The following PEAK1 variants were observed in gnomAD, a reference collection of about 807,000 sequenced individuals.
PEAK1 encodes the protein pseudopodium enriched atypical kinase 1.
PEAK1 carries 54 observed loss-of-function variants against 124.7 expected under a neutral mutation model. That is an observed-to-expected ratio of 0.43 (90% CI 0.35 to 0.54). The LOEUF (loss-of-function observed/expected upper bound fraction) is 0.54, where lower values mean the gene tolerates loss of function less well. Among genes scored for constraint, PEAK1 ranks in the 20% least tolerant of loss-of-function variants. The pLI, the probability that PEAK1 is intolerant of heterozygous loss-of-function variation, is 0.01. For missense variants in PEAK1, 2,046 were observed against 2,134.5 expected (o/e 0.96, Z 0.82); for synonymous variants, 719 against 760.0 (o/e 0.95, Z 0.89).
At chr15:77,309,305 C>T (rs1041667709) in intron 2 of PEAK1, among the ~76,000 whole-genome samples, 3 of 152,018 alleles carry the variant, frequency 2.0e-5, no homozygotes, top group Admixed American at 6.6e-5. Flanking sequence ...GTTCAGCGGC[C>T]ACCATTGCTT....
At chr15:77,270,389 C>T (rs1258209363) in intron 5 of PEAK1, among the ~76,000 whole-genome samples, 3 of 152,158 alleles carry the variant, frequency 2.0e-5, no homozygotes, top group Admixed American at 6.5e-5. Context: ...CCCATCGTCT[C>T]AGCCCAAAAT....
chr15:77,401,641 T>C, intron 1 of PEAK1: 2 of 985,096 alleles, frequency 2.0e-6, no homozygotes, highest in Non-Finnish European at 2.4e-6. Context: ...AGAATGTTAT[T>C]CATTAGAACT....
chr15:77,242,105 A>T (rs1045630163), intron 6 of PEAK1, among the ~76,000 whole-genome samples: 3 of 152,060 alleles, frequency 2.0e-5, no homozygotes, highest in African/African-American at 7.2e-5. Flanking sequence ...AGTATGTTCC[A>T]TATTTCTCTA....
intron 6 of PEAK1, among the ~76,000 whole-genome samples, chr15:77,203,724 A>C (rs910713047): frequency 6.6e-6 from 1 of 152,136 alleles, no homozygotes; most frequent in Non-Finnish European, 1.5e-5. Context: ...AAAAAAAAAA[A>C]AATCTCAATA....
chr15:77,203,540 A>G (rs2058474771), intron 6 of PEAK1, among the ~76,000 whole-genome samples: 1 of 152,206 alleles, frequency 6.6e-6, no homozygotes, highest in Non-Finnish European at 1.5e-5. Context: ...ATAAAGCTAC[A>G]GTAATCAAGA....
intron 6 of PEAK1, chr15:77,239,861 C>T (rs1248219537): frequency 2.0e-6 from 2 of 984,504 alleles, no homozygotes; most frequent in Non-Finnish European, 1.2e-6. Flanking sequence ...CTGCTCAATT[C>T]CACATTTCCA....
At chr15:77,413,364 T>C (rs1430824020) in intron 1 of PEAK1, among the ~76,000 whole-genome samples, 3 of 152,216 alleles carry the variant, frequency 2.0e-5, no homozygotes, top group Admixed American at 2.0e-4. Context: ...ATAGTAACTT[T>C]ACAGTGGACA....
intron 2 of PEAK1, among the ~76,000 whole-genome samples, chr15:77,307,814 G>A (rs1199518573): frequency 6.6e-6 from 1 of 152,014 alleles, no homozygotes; most frequent in Non-Finnish European, 1.5e-5. Context: ...AGAGAACCCT[G>A]CTCTCTTTGA....
intron 8 of PEAK1, among the ~76,000 whole-genome samples, chr15:77,137,240 T>C (rs1417207173): frequency 6.6e-6 from 1 of 152,134 alleles, no homozygotes; most frequent in African/African-American, 2.4e-5. Flanking sequence ...GAAAGGGAAA[T>C]GTGGGGTCGG....
Position 77,179,607 on chromosome 15 carries a change from T to C in PEAK1, c.2320A>G (p.Ile774Val), listed in dbSNP as rs2057115724. 1.2e-6 allele frequency: 2 copies of C among 1,614,124 alleles called. No individual in the cohort carries two copies. The highest frequency in any genetic ancestry group is 1.7e-6 in the Non-Finnish European group (2 of 1,179,994). Residue 774 changes from isoleucine (I) to valine (V), a missense_variant, in exon 7 of 10, where the codon ATC becomes GTC. Ile to Val is a conservative substitution (Grantham distance 29). Transcript: ENST00000682557. ...TCTGGAGGAGACTGTGGGGGTTGGA[T>C]TGAAGCCACAATCTGAGAAAGCACT... ...STVLSQIVAS[I>V]QPPQSPPETP...
intron 2 of PEAK1, among the ~76,000 whole-genome samples, chr15:77,293,616 T>C (rs2063337689): frequency 6.6e-6 from 1 of 152,236 alleles, no homozygotes; most frequent in Non-Finnish European, 1.5e-5. Flanking sequence ...CACAGTATTT[T>C]CACACACTTT....
intron 6 of PEAK1, among the ~76,000 whole-genome samples, chr15:77,197,732 A>G (rs1221776180): frequency 6.6e-6 from 1 of 152,182 alleles, no homozygotes; most frequent in African/African-American, 2.4e-5. Context: ...ACTCTGACTA[A>G]CTGAAAGGAA....
intron 5 of PEAK1, among the ~76,000 whole-genome samples, chr15:77,274,355 A>G (rs2062196757): frequency 6.6e-6 from 1 of 152,172 alleles, no homozygotes; most frequent in African/African-American, 2.4e-5. Flanking sequence ...AGAGTGGGAG[A>G]AAATCTTTGC....
chr15:77,335,597 G>T, intron 2 of PEAK1: 1 of 713,086 alleles, frequency 1.4e-6, no homozygotes, highest in Non-Finnish European at 1.7e-6. Context: ...GCCTGACACA[G>T]CCTCCTGAGT....
chr15:77,257,974 T>A (rs2061249085), intron 5 of PEAK1, among the ~76,000 whole-genome samples: 1 of 152,236 alleles, frequency 6.6e-6, no homozygotes, highest in South Asian at 2.1e-4. Context: ...TCACCATTTA[T>A]TAAATAGGGA....
chr15:77,238,412 T>C (rs1435061191), intron 6 of PEAK1, among the ~76,000 whole-genome samples: 1 of 152,184 alleles, frequency 6.6e-6, no homozygotes, highest in East Asian at 1.9e-4. Context: ...AAGTTTTCTT[T>C]TTTGATGAAT....
intron 5 of PEAK1, among the ~76,000 whole-genome samples, chr15:77,273,664 T>C (rs1218244378): frequency 6.6e-6 from 1 of 152,174 alleles, no homozygotes; most frequent in African/African-American, 2.4e-5. Context: ...CCCATTTTCA[T>C]GGATGGGTAG....
chr15:77,338,661 A>G (rs1050658913), intron 2 of PEAK1, among the ~76,000 whole-genome samples: 4 of 148,996 alleles, frequency 2.7e-5, no homozygotes, highest in Admixed American at 6.7e-5. Flanking sequence ...ATATATATAT[A>G]TGTATCTAGC....
chr15:77,380,039 A>G (rs997864772), intron 1 of PEAK1, among the ~76,000 whole-genome samples: 1 of 152,152 alleles, frequency 6.6e-6, no homozygotes, highest in Non-Finnish European at 1.5e-5. Context: ...AATCCTTACT[A>G]TATTTCCTTA....
Sources: allele counts gnomAD v4.1 joint callset (sites outside exome capture counted in the v4.1 genomes callset), GRCh38; gene constraint gnomAD v4.1.1; transcripts MANE v1.5; gene names NCBI Gene and HGNC (gene_info 2026-07-23, HGNC 2026-07-21).